KIAA1549: variants seen among roughly 807,000 people sequenced by gnomAD.
KIAA1549 encodes the protein UPF0606 protein KIAA1549.
A neutral mutation model predicts 156.4 loss-of-function variants in KIAA1549; 70 were observed. That is an observed-to-expected ratio of 0.45 (90% CI 0.37 to 0.55). KIAA1549 has a LOEUF of 0.55. Ranked by LOEUF, KIAA1549 falls within the 20% of genes least tolerant of loss-of-function variation. The pLI is 0.00. For synonymous variants in KIAA1549, 1,103 were observed against 1,066.4 expected (o/e 1.03, Z -0.67); for missense variants, 2,428 against 2,540.9 (o/e 0.96, Z 0.96).
At chr7:138,908,666 AC>A (rs1338434067) in intron 5 of KIAA1549, among the ~76,000 whole-genome samples, 2 of 152,360 alleles carry the variant, frequency 1.3e-5, no homozygotes, top group Middle Eastern at 3.4e-3. Flanking sequence ...TATGGAAACA[AC>A]AGTATGGGTA....
chr7:138,853,081 C>CT (rs748318567), intron 16 of KIAA1549, among the ~76,000 whole-genome samples: 5 of 152,192 alleles, frequency 3.3e-5, no homozygotes, highest in Non-Finnish European at 7.3e-5. Flanking sequence ...TTCAACATTT[C>CT]TTTTCAATAA....
chr7:138,908,808 C>T (rs1482036204), intron 5 of KIAA1549, among the ~76,000 whole-genome samples, 183 bp downstream of exon 5: 1 of 152,162 alleles, frequency 6.6e-6, no homozygotes, highest in Non-Finnish European at 1.5e-5. Context: ...CTGCAACCCT[C>T]AAAGATGCTC....
At chr7:138,884,122 T>C (rs959911351) in intron 10 of KIAA1549, among the ~76,000 whole-genome samples, 11 of 152,134 alleles carry the variant, frequency 7.2e-5, no homozygotes, top group African/African-American at 2.4e-4. Flanking sequence ...AACAGGCCTA[T>C]GTAAAGCAGC....
chr7:138,910,763 C>T (rs1336436616), intron 4 of KIAA1549, among the ~76,000 whole-genome samples: 11 of 134,658 alleles, frequency 8.2e-5, no homozygotes, highest in Middle Eastern at 4.5e-3. Flanking sequence ...TGGTCTCAAA[C>T]TCATGAACTC....
At chr7:138,916,603 G>A (rs1440876469) in intron 2 of KIAA1549, 145 bp downstream of exon 2, 4 of 1,311,528 alleles carry the variant, frequency 3.0e-6, no homozygotes, top group Non-Finnish European at 4.1e-6. Flanking sequence ...ACTCGCAGGA[G>A]GTAAGCATAG....
At chr7:138,838,531 G>A (rs1044672677) in intron 19 of KIAA1549, among the ~76,000 whole-genome samples, 2 of 152,164 alleles carry the variant, frequency 1.3e-5, no homozygotes, top group Non-Finnish European at 2.9e-5. Context: ...GTGAGTGTGT[G>A]TCTACTGAGG....
In KIAA1549 at chr7:138,837,113, A is replaced by T. The variant is rs1809731275; in HGVS notation, c.*793T>A. On this transcript the variant is annotated 3_prime_UTR_variant, in exon 20 of 20. Coordinates refer to ENST00000422774, the MANE Select transcript of KIAA1549 (RefSeq NM_001164665.2). ...ACAGCAAATACAATGAAGAATGTAG[A>T]TCTAAACTTTGATCTGTATTTTGGA... The T allele has an allele frequency of 4.4e-6, 1 of 227,902 alleles. No homozygotes were observed. The highest frequency in any genetic ancestry group is 1.8e-4 in the South Asian group (1 of 5,494). 14.1% of individuals were successfully genotyped at this position (227,902 alleles called of 1,614,324 possible). A position where few individuals can be genotyped will look rare whatever the true frequency, so the allele number is the denominator to read the frequency against.
intron 18 of KIAA1549, 64 bp downstream of exon 18, chr7:138,844,253 A>T: frequency 6.3e-7 from 1 of 1,592,748 alleles, no homozygotes; most frequent in Non-Finnish European, 8.6e-7. Flanking sequence ...AGACACCTAA[A>T]ATAAAGTTTC....
rs984122980 is a variant in KIAA1549, at chr7:138,834,983, AAAC to A, written c.*2920_*2922del. ...ACAAAGTAGTCTCTGAAAAAAAAAAAAACAACATTTCTCCAAACATTCTGACTC... is the reference window on the plus strand; with the variant it reads ...ACAAAGTAGTCTCTGAAAAAAAAAAAAACATTTCTCCAAACATTCTGACTC... On this transcript the variant is annotated 3_prime_UTR_variant, in exon 20 of 20. Coordinates refer to ENST00000422774, the MANE Select transcript of KIAA1549 (RefSeq NM_001164665.2). The A allele has an allele frequency of 9.6e-5, 22 of 229,274 alleles. No individual in the cohort carries two copies. Among genetic ancestry groups the A allele is most frequent in the Admixed American group, 1.1e-4 (2 of 17,646 alleles). 14.2% of individuals were successfully genotyped at this position (229,274 alleles called of 1,614,324 possible).
At chr7:138,903,545 C>G (rs1811902557) in intron 8 of KIAA1549, 43 bp downstream of exon 8, 1 of 1,594,152 alleles carries the variant, frequency 6.3e-7, no homozygotes, top group Non-Finnish European at 8.6e-7. Context: ...AGCGCTGTCT[C>G]TCTCCCTCTC....
Position 138,917,664 on chromosome 7 carries a change from G to C in KIAA1549, c.1962C>G (p.Asp654Glu), listed in dbSNP as rs1812377211. The change falls in exon 2 of 20, where the codon GAC (aspartate) becomes GAG (glutamate). Residue 654 changes from aspartate to glutamate, a missense_variant. Asp to Glu is a conservative substitution (Grantham distance 45, BLOSUM62 2). Around this residue, in one of 5 missense-constraint regions of KIAA1549, gnomAD observed 893 missense variants for 847.9 expected, o/e 1.05. Transcript: ENST00000422774. ...APASLSLMPS[D>E]LSPFTSQSFS... is the part of the protein sequence containing the mutation. ...AAGACTGAGATGTGAAGGGGGACAA[G>C]TCACTCGGCATCAGAGACAGAGACG... The C allele has an allele frequency of 6.2e-7, 1 of 1,612,622 alleles. No homozygotes were observed.
At chr7:138,881,089 A>C (rs950281346) in intron 11 of KIAA1549, among the ~76,000 whole-genome samples, 10 of 152,226 alleles carry the variant, frequency 6.6e-5, no homozygotes, top group African/African-American at 2.4e-4. Context: ...CTCAGGATAT[A>C]TACACATGAG....
At chr7:138,931,458 G>C (rs1371237461) in intron 1 of KIAA1549, among the ~76,000 whole-genome samples, 1 of 152,134 alleles carries the variant, frequency 6.6e-6, no homozygotes, top group African/African-American at 2.4e-5. Context: ...ATGAACAGAA[G>C]GTCTCAATTT....
Position 138,916,951 on chromosome 7 carries a change from G to T in KIAA1549, c.2675C>A (p.Thr892Asn), listed in dbSNP as rs769628313. 5 of 1,606,642 alleles carry T rather than the reference G, an allele frequency of 3.1e-6. No homozygotes were observed. The East Asian group carries it at 8.9e-5, about 29-fold the overall frequency. ...CAGGGTGGAGTCGAGGGGACCACCA[G>T]TGGCAGCACCGGTGCTGGTTGTGCT... ...EVSTTSTGAA[T>N]GGPLDSTLMG... Residue 892 changes from threonine (T) to asparagine (N), a missense_variant, in exon 2 of 20, where the codon ACT becomes AAT. Thr to Asn is a moderately conservative substitution (Grantham distance 65, BLOSUM62 0). Coordinates refer to ENST00000422774, the MANE Select transcript of KIAA1549 (RefSeq NM_001164665.2).
intron 8 of KIAA1549, 147 bp from the exon 9 acceptor site, chr7:138,899,279 C>T: frequency 1.4e-6 from 1 of 706,294 alleles, no homozygotes; most frequent in Non-Finnish European, 2.5e-6. Context: ...CCAGAATCAC[C>T]ATGGTGCTCT....
chr7:138,980,829 T>A (rs946402604), intron 1 of KIAA1549, among the ~76,000 whole-genome samples: 1 of 152,218 alleles, frequency 6.6e-6, no homozygotes, highest in Admixed American at 6.5e-5. Context: ...TCGGGTTCCA[T>A]GGACAAGAGA....
chr7:138,879,780 T>C (rs888853766), intron 11 of KIAA1549, 127 bp from the exon 12 acceptor site: 14 of 628,208 alleles, frequency 2.2e-5, no homozygotes, highest in Non-Finnish European at 3.6e-5. Context: ...GTCCAAAAAA[T>C]TATTCCATAG....
intron 12 of KIAA1549, among the ~76,000 whole-genome samples, chr7:138,875,766 T>C (rs1159176744): frequency 1.3e-5 from 2 of 152,160 alleles, no homozygotes; most frequent in Non-Finnish European, 2.9e-5. Flanking sequence ...AGAAATATTA[T>C]TTCATTATCT....
intron 16 of KIAA1549, among the ~76,000 whole-genome samples, chr7:138,860,041 A>C (rs1810529293): frequency 6.6e-6 from 1 of 152,250 alleles, no homozygotes; most frequent in Non-Finnish European, 1.5e-5. Context: ...AATATATGTG[A>C]ATGAATAAGC....
Sources: allele counts gnomAD v4.1 joint callset (sites outside exome capture counted in the v4.1 genomes callset), GRCh38; gene constraint gnomAD v4.1.1; regional missense constraint gnomAD v4.1.1; transcripts MANE v1.5; gene names NCBI Gene and HGNC (gene_info 2026-07-23, HGNC 2026-07-21).